Variants in RASAL2 observed in about 807,000 individuals in gnomAD.
RASAL2 encodes ras GTPase-activating protein nGAP.
A neutral mutation model predicts 128.9 loss-of-function variants in RASAL2; 58 were observed. The ratio of observed to expected loss-of-function variants is 0.45; its 90% confidence interval spans 0.36 to 0.56. The LOEUF is 0.56. Ranked by LOEUF, RASAL2 falls within the 20% of genes least tolerant of loss-of-function variation. The pLI, the probability that RASAL2 is intolerant of heterozygous loss-of-function variation, is 0.00. For synonymous variants in RASAL2, 561 were observed against 580.8 expected (o/e 0.97, Z 0.49); for missense variants, 1,360 against 1,601.6 (o/e 0.85, Z 2.57).
At chr1:178,245,421 G>T (rs1012736930) in intron 1 of RASAL2, among the ~76,000 whole-genome samples, 8 of 151,992 alleles carry the variant, frequency 5.3e-5, no homozygotes, top group Non-Finnish European at 8.8e-5. Flanking sequence ...TTTTGATGGG[G>T]TTGTTTTTTT....
intron 1 of RASAL2, among the ~76,000 whole-genome samples, chr1:178,098,923 A>G (rs970224373): frequency 1.3e-5 from 2 of 152,214 alleles, no homozygotes; most frequent in African/African-American, 4.8e-5. Context: ...AATTCCAGAA[A>G]TGTGGCAGTG....
chr1:178,343,795 GA>G (rs756128049), intron 3 of RASAL2, among the ~76,000 whole-genome samples: 11 of 146,368 alleles, frequency 7.5e-5, no homozygotes, highest in South Asian at 2.2e-4. Context: ...TTCCGTGTTA[GA>G]AAAAAAAAAC....
intron 3 of RASAL2, among the ~76,000 whole-genome samples, chr1:178,309,941 G>A (rs1668160490): frequency 6.6e-6 from 1 of 152,146 alleles, no homozygotes; most frequent in Admixed American, 6.6e-5. Flanking sequence ...CACTCATGCA[G>A]TGAACTGAGG....
At chr1:178,304,744 A>G (rs1022913815) in intron 3 of RASAL2, among the ~76,000 whole-genome samples, 1 of 152,204 alleles carries the variant, frequency 6.6e-6, no homozygotes, top group African/African-American at 2.4e-5. Flanking sequence ...TCTGGAACAC[A>G]ACAAGGTTGT....
intron 17 of RASAL2, among the ~76,000 whole-genome samples, chr1:178,472,374 A>G (rs1253076553): frequency 2.6e-5 from 4 of 152,030 alleles, no homozygotes; most frequent in Non-Finnish European, 5.9e-5. Context: ...GCCCTCCTGG[A>G]GTAACTTTGA....
intron 1 of RASAL2, among the ~76,000 whole-genome samples, chr1:178,154,733 G>A (rs979890337): frequency 6.6e-6 from 1 of 152,136 alleles, no homozygotes. Context: ...CACATCTTAA[G>A]TTATTGTGTA....
intron 1 of RASAL2, among the ~76,000 whole-genome samples, chr1:178,249,782 A>T (rs767578372): frequency 1.7e-4 from 25 of 150,604 alleles, no homozygotes; most frequent in Non-Finnish European, 2.5e-4. Context: ...TTTGATTTTG[A>T]TATTGCTTCC....
chr1:178,183,318 T>C (rs889625917), intron 1 of RASAL2, among the ~76,000 whole-genome samples: 1 of 152,228 alleles, frequency 6.6e-6, no homozygotes, highest in African/African-American at 2.4e-5. Context: ...TTCCCAGACC[T>C]CCTAAAGAAT....
intron 1 of RASAL2, among the ~76,000 whole-genome samples, chr1:178,260,566 G>A (rs1380021845): frequency 6.7e-6 from 1 of 150,060 alleles, no homozygotes; most frequent in Non-Finnish European, 1.5e-5. Flanking sequence ...TTCATACAAA[G>A]TTTTTAAAAA....
At chr1:178,223,794 A>G (rs569035696) in intron 1 of RASAL2, among the ~76,000 whole-genome samples, 11 of 152,250 alleles carry the variant, frequency 7.2e-5, no homozygotes, top group Middle Eastern at 3.4e-3. Flanking sequence ...AGGTTGGATA[A>G]TACTCAGGAG....
At chr1:178,292,965 A>G (rs1667345659) in intron 2 of RASAL2, among the ~76,000 whole-genome samples, 1 of 152,180 alleles carries the variant, frequency 6.6e-6, no homozygotes, top group Non-Finnish European at 1.5e-5. Flanking sequence ...TTTTCTTTTG[A>G]AAGTGTTTAC....
At chr1:178,450,960 G>T (rs546469018) in intron 9 of RASAL2, among the ~76,000 whole-genome samples, 1 of 152,208 alleles carries the variant, frequency 6.6e-6, no homozygotes, top group Non-Finnish European at 1.5e-5. Context: ...GGGAATAGTG[G>T]GTGTATCTTC....
intron 1 of RASAL2, among the ~76,000 whole-genome samples, chr1:178,228,610 GA>G (rs774776594): frequency 9.3e-4 from 142 of 152,196 alleles, no homozygotes; most frequent in Non-Finnish European, 1.6e-3. Flanking sequence ...GTAGTTTTTC[GA>G]AACAATTGTG....
chr1:178,397,292 AT>A (rs1374147508), intron 4 of RASAL2, among the ~76,000 whole-genome samples: 4 of 152,268 alleles, frequency 2.6e-5, no homozygotes, highest in African/African-American at 7.2e-5. Context: ...TTATTTAGCC[AT>A]GAAAAAGGAA....
intron 1 of RASAL2, among the ~76,000 whole-genome samples, chr1:178,241,941 A>C (rs1039794267): frequency 2.0e-5 from 3 of 152,116 alleles, no homozygotes; most frequent in African/African-American, 7.2e-5. Flanking sequence ...CTCTCTCTTC[A>C]ATTCAATTTT....
chr1:178,461,877 A>T (rs1277365017), intron 14 of RASAL2, among the ~76,000 whole-genome samples: 2 of 152,244 alleles, frequency 1.3e-5, no homozygotes, highest in East Asian at 3.8e-4. Context: ...ACTAGCAAGG[A>T]ACGAGGAACT....
chr1:178,215,888 C>T (rs1044672154), intron 1 of RASAL2, among the ~76,000 whole-genome samples: 1 of 152,012 alleles, frequency 6.6e-6, no homozygotes, highest in Admixed American at 6.6e-5. Flanking sequence ...GAATATATTA[C>T]TTATATGAGA....
chr1:178,318,067 G>C lies in RASAL2; in HGVS notation c.457+17949G>C, dbSNP rs377762796. ...CGTTATGTACCCAGTAGTCATTCAG[G>C]AGCAGGTTGTTCAGTTTCCATGTAG... On this transcript the variant is annotated intron_variant, in intron 3 of 17. Coordinates refer to ENST00000367649, the MANE Select transcript of RASAL2 (RefSeq NM_170692.4). Among the ~76,000 whole-genome samples, 77 of 151,752 alleles carry C rather than the reference G, an allele frequency of 5.1e-4. 1 individual carries two copies. In the East Asian group the frequency reaches 0.014, roughly 27 times the overall value.
At chr1:178,252,281 G>A (rs1231794861) in intron 1 of RASAL2, among the ~76,000 whole-genome samples, 2 of 151,856 alleles carry the variant, frequency 1.3e-5, no homozygotes, top group Non-Finnish European at 1.5e-5. Flanking sequence ...TAAAAATCCA[G>A]GGGTAAATTA....
Sources: gnomAD v4.1 joint callset for allele counts (sites outside exome capture counted in the v4.1 genomes callset) on GRCh38, gnomAD v4.1.1 for gene constraint, MANE v1.5 for transcripts, NCBI Gene and HGNC (gene_info 2026-07-23, HGNC 2026-07-21) for gene names.